Variants in CCDC178 observed in about 807,000 individuals in gnomAD.
The protein encoded by CCDC178 is coiled-coil domain-containing protein 178.
In CCDC178, 126 loss-of-function variants were observed where a neutral mutation model predicts 117.4. The observed-to-expected ratio is 1.07, with a 90% CI of 0.93 to 1.24. The LOEUF is 1.24. Ranked by LOEUF, CCDC178 falls within the 50% of genes most tolerant of loss-of-function variation. The pLI is 0.00. For missense variants in CCDC178, 1,030 were observed against 986.9 expected (o/e 1.04, Z -0.59); for synonymous variants, 283 against 313.4 (o/e 0.90, Z 1.02).
At chr18:33,406,266 T>G (rs1042337299) in intron 3 of CCDC178, among the ~76,000 whole-genome samples, 3 of 152,084 alleles carry the variant, frequency 2.0e-5, no homozygotes, top group African/African-American at 7.2e-5. Context: ...AAAAATATGT[T>G]GTATACATCA....
intron 21 of CCDC178, among the ~76,000 whole-genome samples, chr18:33,042,768 A>G (rs2056572710): frequency 6.6e-6 from 1 of 151,978 alleles, no homozygotes; most frequent in Non-Finnish European, 1.5e-5. Flanking sequence ...TAGCTTGAGA[A>G]AAATATTACT....
At chr18:33,241,243 T>C (rs2059483995) in intron 15 of CCDC178, among the ~76,000 whole-genome samples, 1 of 151,920 alleles carries the variant, frequency 6.6e-6, no homozygotes, top group Non-Finnish European at 1.5e-5. Flanking sequence ...AAGATCATAC[T>C]GAGTGGGGAA....
At chr18:32,951,633 C>A (rs1418110314) in intron 22 of CCDC178, among the ~76,000 whole-genome samples, 2 of 152,304 alleles carry the variant, frequency 1.3e-5, no homozygotes, top group Non-Finnish European at 1.5e-5. Flanking sequence ...CAAACCATAT[C>A]ATTCTGCCCC....
intron 2 of CCDC178, among the ~76,000 whole-genome samples, chr18:33,423,849 C>A (rs1237826135): frequency 6.6e-6 from 1 of 152,118 alleles, no homozygotes; most frequent in Non-Finnish European, 1.5e-5. Flanking sequence ...TCCAAACACC[C>A]ATAAAAATTA....
chr18:33,227,826 G>A (rs1363710176), intron 15 of CCDC178, among the ~76,000 whole-genome samples: 2 of 151,902 alleles, frequency 1.3e-5, no homozygotes, highest in African/African-American at 4.8e-5. Flanking sequence ...GGTAAATAAA[G>A]CAGTAACTTT....
At chr18:32,950,798 T>A (rs2054465536) in intron 22 of CCDC178, among the ~76,000 whole-genome samples, 1 of 152,212 alleles carries the variant, frequency 6.6e-6, no homozygotes, top group Non-Finnish European at 1.5e-5. Flanking sequence ...AGGAAGCATA[T>A]TAAAAGGTAA....
Position 33,399,197 on chromosome 18 carries a change from TA to T in CCDC178, c.59-1990del, listed in dbSNP as rs58594519. Among the ~76,000 whole-genome samples, 856 of 134,788 alleles carry T rather than the reference TA, an allele frequency of 6.4e-3. 1 individual carries two copies. Among genetic ancestry groups the T allele is most frequent in the African/African-American group, 6.6e-3 (244 of 37,214 alleles). The allele number at this position is 134,788 out of a possible 152,430, so 88.4% of individuals were successfully genotyped here. On this transcript the variant is annotated intron_variant, in intron 3 of 22. Coordinates refer to ENST00000383096, the MANE Select transcript of CCDC178 (RefSeq NM_001105528.4). ...CCTGGGCAACAGAGCAAGACTGTCT[TA>T]AAAAAAAAAAAAAAAAGTTAATGGT...
rs956272657 is a variant in CCDC178 at position 33,259,122 on chromosome 18, A to C, written c.1409+7794T>G. ...AAAGGCTGTGCATTTTATCTTTCTAATTTTATATGTAAAAACATCACAAGG... is the reference window on the plus strand; with the variant it reads ...AAAGGCTGTGCATTTTATCTTTCTACTTTTATATGTAAAAACATCACAAGG... On this transcript the variant is annotated intron_variant, in intron 14 of 22. Coordinates refer to ENST00000383096, the MANE Select transcript of CCDC178 (RefSeq NM_001105528.4). 2.0e-5 allele frequency among the ~76,000 whole-genome samples: 3 copies of C among 152,190 alleles called. No homozygotes were observed. In the South Asian group the frequency reaches 6.2e-4, roughly 31 times the overall value.
At chr18:32,991,475 C>T (rs1476202110) in intron 21 of CCDC178, among the ~76,000 whole-genome samples, 5 of 152,028 alleles carry the variant, frequency 3.3e-5, no homozygotes, top group Admixed American at 6.6e-5. Flanking sequence ...TCTGTGGAGG[C>T]GCAGACTTAA....
chr18:33,124,549 ATAAC>A (rs2057979697), intron 20 of CCDC178, among the ~76,000 whole-genome samples: 1 of 152,220 alleles, frequency 6.6e-6, no homozygotes, highest in African/African-American at 2.4e-5. Flanking sequence ...GTGAGTAATG[ATAAC>A]TAACTTTAGT....
intron 11 of CCDC178, among the ~76,000 whole-genome samples, chr18:33,301,006 C>T (rs2062170029): frequency 6.6e-6 from 1 of 152,194 alleles, no homozygotes; most frequent in South Asian, 2.1e-4. Context: ...ACAGAGATCA[C>T]AGAGGCAGCT....
At chr18:33,067,557 T>C (rs1189171327) in intron 21 of CCDC178, among the ~76,000 whole-genome samples, 2 of 152,060 alleles carry the variant, frequency 1.3e-5, no homozygotes, top group Non-Finnish European at 2.9e-5. Context: ...ATATAAAGAA[T>C]TAACAGGCCA....
intron 20 of CCDC178, among the ~76,000 whole-genome samples, 170 bp from the exon 21 acceptor site, chr18:33,093,080 T>A (rs958766110): frequency 6.6e-6 from 1 of 152,142 alleles, no homozygotes; most frequent in Non-Finnish European, 1.5e-5. Flanking sequence ...GATACCAATA[T>A]CCTTTGTTGA....
intron 20 of CCDC178, among the ~76,000 whole-genome samples, chr18:33,111,167 T>C (rs1246336104): frequency 1.3e-5 from 2 of 151,596 alleles, no homozygotes; most frequent in Non-Finnish European, 3.0e-5. Context: ...TTATAAATAG[T>C]ATCTATTTTA....
intron 1 of CCDC178, 80 bp from the exon 2 acceptor site, chr18:33,440,161 T>C (rs1224372080): frequency 1.3e-5 from 2 of 152,108 alleles, no homozygotes; most frequent in African/African-American, 4.8e-5. Context: ...GGCGGCCTTA[T>C]AAGCAAAATA....
At chr18:32,943,246 A>T (rs2054277902) in intron 22 of CCDC178, among the ~76,000 whole-genome samples, 1 of 152,188 alleles carries the variant, frequency 6.6e-6, no homozygotes, top group African/African-American at 2.4e-5. Context: ...TAAAAAGAGG[A>T]CTACTTATCC....
At chr18:33,018,536 T>C (rs137897686) in intron 21 of CCDC178, among the ~76,000 whole-genome samples, 71 of 152,236 alleles carry the variant, frequency 4.7e-4, no homozygotes, top group Middle Eastern at 3.4e-3. Context: ...TATAGTCATA[T>C]GAAGAAATGT....
intron 20 of CCDC178, among the ~76,000 whole-genome samples, chr18:33,142,411 A>G (rs1045566864): frequency 1.3e-5 from 2 of 152,212 alleles, no homozygotes; most frequent in Admixed American, 1.3e-4. Context: ...AATTTTGAAC[A>G]ATACAGTATC....
intron 15 of CCDC178, among the ~76,000 whole-genome samples, chr18:33,234,081 T>C (rs1387106722): frequency 6.6e-6 from 1 of 152,150 alleles, no homozygotes; most frequent in Non-Finnish European, 1.5e-5. Flanking sequence ...TATTCTCAAA[T>C]GTTTTGTACT....
Sources: allele counts gnomAD v4.1 joint callset (sites outside exome capture counted in the v4.1 genomes callset), GRCh38; gene constraint gnomAD v4.1.1; transcripts MANE v1.5; gene names NCBI Gene and HGNC (gene_info 2026-07-23, HGNC 2026-07-21).